Variants in SLIT2 observed in about 807,000 individuals in gnomAD.
The protein encoded by SLIT2 is slit homolog 2 protein.
SLIT2 carries 41 observed loss-of-function variants against 185.7 expected under a neutral mutation model. That is an observed-to-expected ratio of 0.22 (90% CI 0.17 to 0.29). The LOEUF (loss-of-function observed/expected upper bound fraction) is 0.29. SLIT2 is among the 10% of genes least tolerant of loss of function. The probability of loss-of-function intolerance (pLI) is 1.00; values close to 1 mark genes in which losing one functional copy is unlikely to be tolerated. For missense variants in SLIT2, 1,571 were observed against 1,909.0 expected, an observed-to-expected ratio of 0.82 and a Z score of 3.30; for synonymous variants, 693 against 680.2, an observed-to-expected ratio of 1.02 and a Z score of -0.29.
Position 20,465,594 on chromosome 4 carries a change from G to A in SLIT2, c.396-2158G>A, listed in dbSNP as rs183219735. On this transcript the variant is annotated intron_variant, in intron 4 of 36. Coordinates refer to ENST00000504154, the MANE Select transcript of SLIT2 (RefSeq NM_004787.4). ...CCTTAAGAGAATAAGGAGGCTCTGA[G>A]CAAGACACTCTAACACTTTTGCAAA... Among the ~76,000 whole-genome samples, 102 of 152,222 alleles carry A rather than the reference G, an allele frequency of 6.7e-4. 1 individual carries two copies. Among genetic ancestry groups the A allele is most frequent in the African/African-American group, 2.1e-3 (88 of 41,534 alleles).
chr4:20,355,830 C>A (rs1722276426), intron 4 of SLIT2, among the ~76,000 whole-genome samples: 1 of 152,018 alleles, frequency 6.6e-6, no homozygotes, highest in South Asian at 2.1e-4. Flanking sequence ...TGTTATCAAG[C>A]TCAAAATTTT....
intron 4 of SLIT2, among the ~76,000 whole-genome samples, chr4:20,380,922 G>C (rs756432847): frequency 3.3e-5 from 5 of 152,008 alleles, no homozygotes; most frequent in Admixed American, 1.3e-4. Context: ...ACAAGAAACA[G>C]AAGAAACATG....
intron 15 of SLIT2, among the ~76,000 whole-genome samples, chr4:20,527,839 A>G (rs1721434438): frequency 2.6e-5 from 4 of 152,236 alleles, no homozygotes; most frequent in Middle Eastern, 6.8e-3. Flanking sequence ...GGTGATCTTT[A>G]CTTTTGCAGG....
chr4:20,466,684 G>A (rs1714391372), intron 4 of SLIT2, among the ~76,000 whole-genome samples: 1 of 152,154 alleles, frequency 6.6e-6, no homozygotes, highest in African/African-American at 2.4e-5. Context: ...CAGTGGGGGA[G>A]AGGATGTGGA....
At position 20,405,466 on chromosome 4, in the gene SLIT2, A is replaced by AT. The variant is rs1314448842; in HGVS notation, c.396-62279dup. ...TACTAAGAAATAGGAGGACAGAAAC[A>AT]TTTTTTTCTTTTCATGATTGTTATT... On this transcript the variant is annotated intron_variant, in intron 4 of 36. Transcript: ENST00000504154. Among the ~76,000 whole-genome samples the AT allele has an allele frequency of 2.6e-5, 4 of 151,994 alleles. No individual in the cohort carries two copies. In the South Asian group the frequency reaches 6.2e-4, roughly 24 times the overall value.
chr4:20,597,306 G>A (rs1291503407), intron 32 of SLIT2, among the ~76,000 whole-genome samples: 1 of 152,086 alleles, frequency 6.6e-6, no homozygotes, highest in Non-Finnish European at 1.5e-5. Context: ...AACCTCATGT[G>A]ATCTACCCAC....
intron 4 of SLIT2, among the ~76,000 whole-genome samples, chr4:20,415,530 T>G (rs1287115880): frequency 3.3e-5 from 5 of 152,076 alleles, no homozygotes; most frequent in African/African-American, 1.2e-4. Context: ...CAGATATAAT[T>G]TTGATCACTT....
At chr4:20,451,114 G>T (rs533291624) in intron 4 of SLIT2, among the ~76,000 whole-genome samples, 5 of 152,074 alleles carry the variant, frequency 3.3e-5, no homozygotes, top group Non-Finnish European at 5.9e-5. Context: ...TCACCCAGCA[G>T]CCCTAGCCAA....
At position 20,253,771 on chromosome 4, in the gene SLIT2, A is replaced by G; in HGVS notation, c.-45A>G. Reference sequence around the variant, plus strand: ...CGCGGTTCCCTCGGAGCAGCAAGCTAAAGAAAGCCCCCAGTGCCGGCGAGG... The same window carrying G: ...CGCGGTTCCCTCGGAGCAGCAAGCTGAAGAAAGCCCCCAGTGCCGGCGAGG... On this transcript the variant is annotated 5_prime_UTR_variant, in exon 1 of 37. Coordinates refer to ENST00000504154, the MANE Select transcript of SLIT2 (RefSeq NM_004787.4). 6.3e-7 allele frequency: 1 copy of G among 1,588,436 alleles called. No individual in the cohort carries two copies. Among genetic ancestry groups the G allele is most frequent in the Non-Finnish European group, 8.5e-7 (1 of 1,173,796 alleles).
chr4:20,505,365 C>T (rs183534457), intron 9 of SLIT2, among the ~76,000 whole-genome samples: 99 of 152,052 alleles, frequency 6.5e-4, no homozygotes, highest in African/African-American at 2.2e-3. Context: ...TTGAAAAATT[C>T]TATGTATGTC....
intron 25 of SLIT2, among the ~76,000 whole-genome samples, chr4:20,552,998 T>A (rs1251737947): frequency 1.3e-5 from 2 of 152,176 alleles, no homozygotes; most frequent in East Asian, 3.8e-4. Context: ...ATAGTAATAG[T>A]GCAATAAATG....
intron 4 of SLIT2, chr4:20,364,307 G>C: frequency 8.1e-6 from 8 of 981,766 alleles, no homozygotes; most frequent in Non-Finnish European, 9.7e-6. Flanking sequence ...TTCAATAATG[G>C]TTCAAGTAAT....
chr4:20,566,043 C>T (rs1284165968), intron 26 of SLIT2, among the ~76,000 whole-genome samples: 1 of 151,924 alleles, frequency 6.6e-6, no homozygotes, highest in Non-Finnish European at 1.5e-5. Context: ...ACAACGCAAG[C>T]GTGGGCTGTA....
chr4:20,281,644 T>TC, intron 4 of SLIT2, among the ~76,000 whole-genome samples: 1 of 152,278 alleles, frequency 6.6e-6, no homozygotes, highest in African/African-American at 2.4e-5. Flanking sequence ...AATCAGGTAC[T>TC]CCAAGTGACC....
Position 20,488,820 on chromosome 4 carries a change from C to A in SLIT2, c.613C>A (p.Arg205=). 1 of 1,571,402 alleles carries A rather than the reference C, an allele frequency of 6.4e-7. No homozygotes were observed. The highest frequency in any genetic ancestry group is 8.6e-7 in the Non-Finnish European group (1 of 1,156,526). The change falls in exon 8 of 37, where the codon CGA becomes AGA. Residue 205 remains arginine (R), a splice_region_variant and synonymous_variant. Coordinates refer to ENST00000504154, the MANE Select transcript of SLIT2 (RefSeq NM_004787.4). ...TACACTTCTTTTTTTCTCATTTAGT[C>A]GACTGCATTCAAACAACCTGTATTG... ...FNHMPKLRTF[R]LHSNNLYCDC... is the part of the protein sequence containing the mutation.
chr4:20,415,403 T>A (rs1419224055), intron 4 of SLIT2, among the ~76,000 whole-genome samples: 11 of 88,156 alleles, frequency 1.2e-4, no homozygotes, highest in African/African-American at 4.8e-4. Flanking sequence ...AGAGGGAGAC[T>A]CCGTCTCAAA....
At chr4:20,587,997 A>G (rs1464182384) in intron 29 of SLIT2, among the ~76,000 whole-genome samples, 1 of 152,334 alleles carries the variant, frequency 6.6e-6, no homozygotes, top group Non-Finnish European at 1.5e-5. Flanking sequence ...TAAACAGCCT[A>G]TATCTCCATC....
chr4:20,446,824 A>G lies in SLIT2; in HGVS notation c.396-20928A>G, dbSNP rs545948324. 4.6e-5 allele frequency among the ~76,000 whole-genome samples: 7 copies of G among 152,360 alleles called. No individual in the cohort carries two copies. In the South Asian group the frequency reaches 1.4e-3, roughly 32 times the overall value. ...AATAGGAAACTTCATCAAAATAGAT[A>G]GATGTTCAGAAAATCCCATGTACCC... On this transcript the variant is annotated intron_variant, in intron 4 of 36. Transcript: ENST00000504154.
At chr4:20,414,329 C>G (rs1439127023) in intron 4 of SLIT2, among the ~76,000 whole-genome samples, 1 of 152,114 alleles carries the variant, frequency 6.6e-6, no homozygotes, top group Non-Finnish European at 1.5e-5. Flanking sequence ...CTTACCCATC[C>G]TAGGTCTAAC....
Sources: allele counts gnomAD v4.1 joint callset (sites outside exome capture counted in the v4.1 genomes callset), GRCh38; gene constraint gnomAD v4.1.1; transcripts MANE v1.5; gene names NCBI Gene and HGNC (gene_info 2026-07-23, HGNC 2026-07-21).